CPS1: variants seen among roughly 807,000 people sequenced by gnomAD.
The protein encoded by CPS1 is carbamoyl-phosphate synthase 1.
CPS1 carries 109 observed loss-of-function variants against 174.6 expected under a neutral mutation model. That is an observed-to-expected ratio of 0.62 (90% CI 0.53 to 0.73). The LOEUF (loss-of-function observed/expected upper bound fraction) is 0.73, where lower values mean the gene tolerates loss of function less well. Ranked by LOEUF, CPS1 falls within the 30% of genes least tolerant of loss-of-function variation. The pLI is 0.00. For synonymous variants in CPS1, 637 were observed against 632.0 expected, an observed-to-expected ratio of 1.01 and a Z score of -0.12; for missense variants, 1,689 against 1,821.9, an observed-to-expected ratio of 0.93 and a Z score of 1.33.
chr2:210,491,972 A>G (rs1387490796), intron 1 of CPS1, among the ~76,000 whole-genome samples: 1 of 152,172 alleles, frequency 6.6e-6, no homozygotes, highest in Non-Finnish European at 1.5e-5. Context: ...TGAGCCACTG[A>G]CAGCAACCAA....
intron 19 of CPS1, 101 bp downstream of exon 19, chr2:210,608,660 C>A: frequency 2.7e-6 from 3 of 1,108,096 alleles, no homozygotes; most frequent in Admixed American, 1.8e-5. Context: ...ACCATCAACA[C>A]ATGGACAGTG....
In CPS1 at chr2:210,660,514, A is replaced by T. The variant is rs1419128954; in HGVS notation, c.3786A>T (p.Arg1262=). ...LVIECNLRAS[R]SFPFVSKTLG... Reference sequence around the variant, plus strand: ...TTGAGTGTAACTTGAGAGCTTCTCGATCCTTCCCCTTTGTTTCCAAGACTC... The same window carrying T: ...TTGAGTGTAACTTGAGAGCTTCTCGTTCCTTCCCCTTTGTTTCCAAGACTC... Residue 1262 remains arginine, a synonymous_variant, in exon 32 of 38, where the codon CGA becomes CGT. Coordinates refer to ENST00000233072, the MANE Select transcript of CPS1 (RefSeq NM_001875.5). The T allele has an allele frequency of 6.2e-7, 1 of 1,614,084 alleles. No individual in the cohort carries two copies. The highest frequency in any genetic ancestry group is 1.1e-5 in the South Asian group (1 of 91,078).
chr2:210,506,980 T>C (rs375648001), intron 1 of CPS1, among the ~76,000 whole-genome samples: 4 of 152,162 alleles, frequency 2.6e-5, no homozygotes, highest in African/African-American at 9.7e-5. Context: ...AGAACTTCCC[T>C]AATCTAGCAA....
chr2:210,560,175 A>G (rs1441881298), intron 1 of CPS1, among the ~76,000 whole-genome samples: 1 of 152,096 alleles, frequency 6.6e-6, no homozygotes, highest in Non-Finnish European at 1.5e-5. Flanking sequence ...CAGTATGGCA[A>G]ATTTAATTCC....
At chr2:210,655,627 C>A (rs1482117515) in intron 29 of CPS1, among the ~76,000 whole-genome samples, 1 of 152,122 alleles carries the variant, frequency 6.6e-6, no homozygotes, top group African/African-American at 2.4e-5. Flanking sequence ...TATATGTGGT[C>A]TGTTTTATCC....
At chr2:210,612,096 G>T in intron 19 of CPS1, 21 bp from the exon 20 acceptor site, 1 of 1,607,978 alleles carries the variant, frequency 6.2e-7, no homozygotes, top group Non-Finnish European at 8.5e-7. Flanking sequence ...TTCAATATGA[G>T]GTCTTAAACA....
intron 1 of CPS1, among the ~76,000 whole-genome samples, chr2:210,497,671 C>T (rs1407049883): frequency 6.6e-6 from 1 of 151,762 alleles, no homozygotes; most frequent in Non-Finnish European, 1.5e-5. Flanking sequence ...TGCATTAATT[C>T]GCTTAGGATA....
intron 25 of CPS1, among the ~76,000 whole-genome samples, chr2:210,643,707 A>C (rs936356300): frequency 6.6e-6 from 1 of 152,132 alleles, no homozygotes; most frequent in African/African-American, 2.4e-5. Context: ...AAGTTTAGGA[A>C]GGATGTATAA....
chr2:210,521,999 C>G (rs971518757), intron 1 of CPS1, among the ~76,000 whole-genome samples: 1 of 151,904 alleles, frequency 6.6e-6, no homozygotes, highest in Non-Finnish European at 1.5e-5. Context: ...GAATCAGACC[C>G]ACATATAGAC....
chr2:210,597,868 A>G (rs1277008661), intron 13 of CPS1, among the ~76,000 whole-genome samples: 1 of 151,774 alleles, frequency 6.6e-6, no homozygotes, highest in Non-Finnish European at 1.5e-5. Context: ...ACATGCATGC[A>G]TACACATAGT....
chr2:210,564,293 T>C (rs1442230155), intron 1 of CPS1, among the ~76,000 whole-genome samples: 2 of 152,202 alleles, frequency 1.3e-5, no homozygotes, highest in East Asian at 3.9e-4. Flanking sequence ...AAAAATGTAT[T>C]TTCATTAAAA....
chr2:210,580,659 C>T (rs531996476), intron 5 of CPS1, among the ~76,000 whole-genome samples: 125 of 151,848 alleles, frequency 8.2e-4, no homozygotes, highest in South Asian at 6.0e-3. Context: ...GTCAGGAGTT[C>T]GAGACCAGCC....
intron 1 of CPS1, among the ~76,000 whole-genome samples, chr2:210,525,843 G>A (rs894696668): frequency 2.6e-5 from 4 of 151,246 alleles, no homozygotes; most frequent in Non-Finnish European, 5.9e-5. Flanking sequence ...GAGAAAGAGA[G>A]GAGGAAGGAG....
Position 210,598,894 on chromosome 2 carries a change from C to G in CPS1, c.1360-478C>G, listed in dbSNP as rs145787575. Among the ~76,000 whole-genome samples the G allele has an allele frequency of 7.0e-4, 107 of 151,988 alleles. 3 individuals carry two copies. The East Asian group carries it at 0.015, about 21-fold the overall frequency. ...AGACCTTTGTAAGAACTCTCCACCCCAAAACAACAGAATATACATTTTTCT... is the reference window on the plus strand; with the variant it reads ...AGACCTTTGTAAGAACTCTCCACCCGAAAACAACAGAATATACATTTTTCT... On this transcript the variant is annotated intron_variant, in intron 13 of 37. Coordinates refer to ENST00000233072, the MANE Select transcript of CPS1 (RefSeq NM_001875.5).
At chr2:210,516,745 A>G (rs1695695500) in intron 1 of CPS1, among the ~76,000 whole-genome samples, 1 of 151,924 alleles carries the variant, frequency 6.6e-6, no homozygotes, top group African/African-American at 2.4e-5. Context: ...CTATCTTTAT[A>G]TATGCTGTTC....
intron 28 of CPS1, among the ~76,000 whole-genome samples, chr2:210,652,880 A>C (rs891061630): frequency 8.5e-5 from 13 of 152,182 alleles, no homozygotes; most frequent in African/African-American, 3.1e-4. Flanking sequence ...TAAGACAGAC[A>C]CTGGAGGAAT....
intron 16 of CPS1, 68 bp from the exon 17 acceptor site, chr2:210,605,034 T>C (rs1179511407): frequency 1.9e-6 from 3 of 1,564,164 alleles, no homozygotes; most frequent in Non-Finnish European, 2.6e-6. Context: ...CAGGGTATTT[T>C]GCCAAATATC....
At chr2:210,597,312 A>G (rs1698519944) in intron 13 of CPS1, among the ~76,000 whole-genome samples, 1 of 151,862 alleles carries the variant, frequency 6.6e-6, no homozygotes, top group Non-Finnish European at 1.5e-5. Flanking sequence ...GATGACTCGT[A>G]TTGAGGAAAG....
intron 21 of CPS1, among the ~76,000 whole-genome samples, chr2:210,631,067 T>C (rs1002842510): frequency 1.3e-5 from 2 of 149,042 alleles, no homozygotes; most frequent in Non-Finnish European, 3.0e-5. Context: ...TGCAAACCCA[T>C]TCCATAATTG....
Sources: gnomAD v4.1 joint callset for allele counts (sites outside exome capture counted in the v4.1 genomes callset) on GRCh38, gnomAD v4.1.1 for gene constraint, MANE v1.5 for transcripts, NCBI Gene and HGNC (gene_info 2026-07-23, HGNC 2026-07-21) for gene names.